The following TUSC3 variants were observed in gnomAD, a reference collection of about 807,000 sequenced individuals.
TUSC3 encodes tumor suppressor candidate 3, also known as dolichyl-diphosphooligosaccharide--protein glycosyltransferase subunit TUSC3.
A neutral mutation model predicts 44.8 loss-of-function variants in TUSC3; 45 were observed. The observed-to-expected ratio is 1.00, with a 90% CI of 0.79 to 1.29. The LOEUF is 1.29. Among genes scored for constraint, TUSC3 ranks in the 50% most tolerant of loss-of-function variants. TUSC3 has a pLI of 0.00. For synonymous variants in TUSC3, 212 were observed against 152.9 expected (o/e 1.39, Z -2.85); for missense variants, 519 against 437.9 (o/e 1.19, Z -1.65).
chr8:15,467,054 A>G (rs1019264957), intron 1 of TUSC3, among the ~76,000 whole-genome samples: 1 of 152,078 alleles, frequency 6.6e-6, no homozygotes, highest in African/African-American at 2.4e-5. Flanking sequence ...ACAAATCGAG[A>G]TAAGTGTACA....
At chr8:15,746,462 T>A (rs1405108502) in intron 8 of TUSC3, among the ~76,000 whole-genome samples, 1 of 152,158 alleles carries the variant, frequency 6.6e-6, no homozygotes, top group Non-Finnish European at 1.5e-5. Flanking sequence ...TCAGAATGCA[T>A]CTGCCTCATT....
rs1375423421 is a variant in TUSC3 at position 15,725,760 on chromosome 8, T to C, written c.799-4906T>C. ...CAATTTGAAGTTTAGAGTAATTTGC[T>C]AAAGGTCTTACTCATGAAACCCAGG... On this transcript the variant is annotated intron_variant, in intron 6 of 10. Coordinates refer to ENST00000503731, the MANE Select transcript of TUSC3 (RefSeq NM_006765.4). Among the ~76,000 whole-genome samples the C allele has an allele frequency of 3.3e-5, 5 of 152,254 alleles. No individual in the cohort carries two copies. In the East Asian group the frequency reaches 7.7e-4, roughly 23 times the overall value.
At chr8:15,653,344 C>G (rs559738104) in intron 3 of TUSC3, among the ~76,000 whole-genome samples, 2 of 152,250 alleles carry the variant, frequency 1.3e-5, no homozygotes, top group African/African-American at 4.8e-5. Context: ...AAATTTCTCT[C>G]TTTAAAATGT....
intron 2 of TUSC3, among the ~76,000 whole-genome samples, chr8:15,518,638 A>G (rs1585073548): frequency 1.3e-5 from 2 of 152,308 alleles, no homozygotes; most frequent in Admixed American, 6.5e-5. Context: ...AATGAACTGC[A>G]TATTTGCAGG....
chr8:15,713,158 G>A (rs1809924949), intron 6 of TUSC3, among the ~76,000 whole-genome samples: 1 of 152,084 alleles, frequency 6.6e-6, no homozygotes, highest in African/African-American at 2.4e-5. Flanking sequence ...CTATATAAAA[G>A]AAAACATAAA....
intron 1 of TUSC3, among the ~76,000 whole-genome samples, chr8:15,594,626 A>G (rs1289940667): frequency 6.6e-6 from 1 of 152,038 alleles, no homozygotes; most frequent in Admixed American, 6.6e-5. Context: ...ATTCCCTACT[A>G]TTGCCAGAGC....
At chr8:15,526,898 A>G (rs979188283) in intron 2 of TUSC3, among the ~76,000 whole-genome samples, 2 of 152,208 alleles carry the variant, frequency 1.3e-5, no homozygotes, top group African/African-American at 4.8e-5. Context: ...AGTACCCATA[A>G]TGATTAGAAA....
intron 1 of TUSC3, among the ~76,000 whole-genome samples, chr8:15,595,375 C>G (rs1308655835): frequency 6.6e-6 from 1 of 152,118 alleles, no homozygotes; most frequent in Non-Finnish European, 1.5e-5. Context: ...CCTGGACTTT[C>G]CGCTCTGTTT....
chr8:15,614,619 A>G (rs915803747), intron 1 of TUSC3, among the ~76,000 whole-genome samples: 6 of 152,134 alleles, frequency 3.9e-5, no homozygotes, highest in African/African-American at 1.4e-4. Context: ...GGCAGTTACA[A>G]GTTGGCTTCT....
chr8:15,685,563 G>T (rs1808594240), intron 6 of TUSC3, among the ~76,000 whole-genome samples: 1 of 152,012 alleles, frequency 6.6e-6, no homozygotes, highest in African/African-American at 2.4e-5. Context: ...CTGTCAACAG[G>T]GCCTGTGTTT....
chr8:15,532,977 G>A (rs989520142), intron 2 of TUSC3, among the ~76,000 whole-genome samples: 1 of 152,218 alleles, frequency 6.6e-6, no homozygotes, highest in East Asian at 1.9e-4. Flanking sequence ...ATTTTTAGTA[G>A]AGACAAGGTT....
downstream of TUSC3, among the ~76,000 whole-genome samples, chr8:15,767,300 G>A (rs1292556816): frequency 6.6e-6 from 1 of 151,852 alleles, no homozygotes; most frequent in Non-Finnish European, 1.5e-5. Context: ...TCACCTTCCG[G>A]CCATAATAGG....
chr8:15,427,075 G>GTTTTT (rs367932724), intron 1 of TUSC3, among the ~76,000 whole-genome samples: 12,769 of 144,726 alleles, frequency 0.088, 773 homozygotes, highest in Middle Eastern at 0.16. Flanking sequence ...GTTGTTTGGT[G>GTTTTT]TTTGTTTTTT....
At chr8:15,803,957 C>T in the TUSC3 span, among the ~76,000 whole-genome samples, 3 of 152,154 alleles carry the variant, frequency 2.0e-5, no homozygotes, top group African/African-American at 7.2e-5. Flanking sequence ...CATCGATGGG[C>T]ATTTGGGTTG....
intron 1 of TUSC3, among the ~76,000 whole-genome samples, chr8:15,468,842 T>G (rs568486410): frequency 3.3e-5 from 5 of 152,198 alleles, no homozygotes; most frequent in Non-Finnish European, 7.4e-5. Flanking sequence ...TCTTTCTGTT[T>G]TAGAAATATA....
chr8:15,629,293 C>T (rs1043781268), intron 2 of TUSC3, among the ~76,000 whole-genome samples: 3 of 151,932 alleles, frequency 2.0e-5, no homozygotes, highest in South Asian at 2.1e-4. Flanking sequence ...TTCAAAGGGG[C>T]GTCTGTTAAG....
In TUSC3 at chr8:15,623,193, T is replaced by C. The variant is rs1563139393; in HGVS notation, c.252T>C (p.Tyr84=). ...RKFIKAPPRN[Y]SMIVMFTALQ... ...TTATAAAGGCACCACCTCGAAACTA[T>C]TCCATGATTGTTATGTTCACTGCTC... Residue 84 remains tyrosine (Y), a synonymous_variant, in exon 2 of 11, where the codon TAT becomes TAC. Coordinates refer to ENST00000503731, the MANE Select transcript of TUSC3 (RefSeq NM_006765.4). 2 of 1,613,514 alleles carry C rather than the reference T, an allele frequency of 1.2e-6. No individual in the cohort carries two copies. The highest frequency in any genetic ancestry group is 1.7e-6 in the Non-Finnish European group (2 of 1,179,678).
rs1480919608 is a variant in TUSC3, at chr8:15,559,838, T to C, written c.138+19270T>C. ...CTAGGATTGCAACCCCTGCCTTTTT[T>C]TGTTTTCCATTTGCTTGGTAGATCT... On this transcript the variant is annotated intron_variant, in intron 1 of 10. Coordinates refer to ENST00000503731, the MANE Select transcript of TUSC3 (RefSeq NM_006765.4). Among the ~76,000 whole-genome samples the C allele has an allele frequency of 6.0e-4, 60 of 99,282 alleles. 1 individual carries two copies. Among genetic ancestry groups the C allele is most frequent in the African/African-American group, 2.1e-3 (54 of 25,512 alleles). The allele number at this position is 99,282 out of a possible 152,430, so 65.1% of individuals were successfully genotyped here.
chr8:15,450,335 AT>A (rs1309320775), intron 1 of TUSC3, among the ~76,000 whole-genome samples: 12 of 152,144 alleles, frequency 7.9e-5, no homozygotes, highest in African/African-American at 2.9e-4. Context: ...TGGTGCAAAC[AT>A]TTTTTGGTAA....
Sources: allele counts gnomAD v4.1 joint callset (sites outside exome capture counted in the v4.1 genomes callset), GRCh38; gene constraint gnomAD v4.1.1; transcripts MANE v1.5; gene names NCBI Gene and HGNC (gene_info 2026-07-23, HGNC 2026-07-21).